Variants in AK9 observed in about 807,000 individuals in gnomAD.
The protein encoded by AK9 is adenylate kinase 9, also known as adenylate kinase domain containing 1.
AK9 carries 191 observed loss-of-function variants against 239.6 expected under a neutral mutation model. That is an observed-to-expected ratio of 0.80 (90% CI 0.71 to 0.90). The LOEUF (loss-of-function observed/expected upper bound fraction) is 0.90, where lower values mean the gene tolerates loss of function less well. Among genes scored for constraint, AK9 ranks in the 40% least tolerant of loss-of-function variants. The pLI is 0.00. For missense variants in AK9, 1,995 were observed against 2,214.7 expected (o/e 0.90, Z 1.99); for synonymous variants, 689 against 721.0 (o/e 0.96, Z 0.71).
At chr6:109,555,804 G>T (rs188195950) in intron 24 of AK9, among the ~76,000 whole-genome samples, 3 of 152,148 alleles carry the variant, frequency 2.0e-5, no homozygotes, top group African/African-American at 7.2e-5. Context: ...TTTCAAGTCC[G>T]TTTGGTCAGA....
chr6:109,633,688 T>C (rs1453583430), intron 10 of AK9, among the ~76,000 whole-genome samples: 1 of 152,222 alleles, frequency 6.6e-6, no homozygotes, highest in East Asian at 1.9e-4. Context: ...AAATTCTTAT[T>C]AAAAATTTTG....
At position 109,493,581 on chromosome 6, in the gene AK9, A is replaced by G. The variant is rs1272800141; in HGVS notation, c.5534-10T>C. 7.5e-6 allele frequency: 12 copies of G among 1,605,294 alleles called. No individual in the cohort carries two copies. Among genetic ancestry groups the G allele is most frequent in the Non-Finnish European group, 1.0e-5 (12 of 1,173,630 alleles). ...CCTTTGGGATTAAATGCTGTAGAAA[A>G]TTTCACAGAACTGTGAATAATTTCT... On this transcript the variant is annotated splice_polypyrimidine_tract_variant and intron_variant, in intron 40 of 40. Transcript: ENST00000424296.
chr6:109,672,515 C>T (rs9400316), intron 3 of AK9, among the ~76,000 whole-genome samples: 95,134 of 151,712 alleles, frequency 0.63, 30,478 homozygotes, highest in South Asian at 0.84. Context: ...AGACTACATT[C>T]CTACAAAAAG....
At chr6:109,542,611 AC>A (rs1291663294) in intron 26 of AK9, among the ~76,000 whole-genome samples, 2 of 152,080 alleles carry the variant, frequency 1.3e-5, no homozygotes, top group African/African-American at 4.8e-5. Flanking sequence ...AATTTAGAAA[AC>A]CCCAAAATCT....
rs1797424999 is a variant in AK9, at chr6:109,641,405, C to T, written c.933+113G>A. On this transcript the variant is annotated intron_variant, in intron 10 of 40. Coordinates refer to ENST00000424296, the MANE Select transcript of AK9 (RefSeq NM_001145128.3). ...TTCTGACTAGGTCATCCAGGCTGGT[C>T]TCAGACTCCTGGGCTCCAGTGATCC... The T allele has an allele frequency of 8.5e-6, 5 of 586,188 alleles. No homozygotes were observed. The Admixed American group carries it at 1.7e-4, about 19-fold the overall frequency. 36.3% of individuals were successfully genotyped at this position (586,188 alleles called of 1,614,324 possible). A position where few individuals can be genotyped will look rare whatever the true frequency, so the allele number is the denominator to read the frequency against.
At chr6:109,550,599 C>A in intron 24 of AK9, 1 of 218,672 alleles carries the variant, frequency 4.6e-6, no homozygotes, top group South Asian at 1.1e-4. Flanking sequence ...TGTGTTGATG[C>A]TGGGTCATTG....
At chr6:109,511,490 T>A (rs561012712) in intron 32 of AK9, among the ~76,000 whole-genome samples, 2 of 152,200 alleles carry the variant, frequency 1.3e-5, no homozygotes, top group Non-Finnish European at 2.9e-5. Flanking sequence ...CAAGGTTACA[T>A]AGATGTTGCC....
At chr6:109,520,829 G>A (rs1454450461) in intron 29 of AK9, among the ~76,000 whole-genome samples, 2 of 152,152 alleles carry the variant, frequency 1.3e-5, no homozygotes, top group East Asian at 1.9e-4. Context: ...CACTTCCTTG[G>A]TTAGCTGTAC....
chr6:109,608,177 T>C (rs1793138061), intron 17 of AK9, among the ~76,000 whole-genome samples: 1 of 149,654 alleles, frequency 6.7e-6, no homozygotes, highest in African/African-American at 2.5e-5. Context: ...TACTCAGGAG[T>C]CTGAGGCAAG....
chr6:109,624,624 T>A (rs565884826), intron 12 of AK9, among the ~76,000 whole-genome samples: 1 of 152,276 alleles, frequency 6.6e-6, no homozygotes, highest in South Asian at 2.1e-4. Context: ...CTAGGCTCAT[T>A]TTACAGAAGC....
chr6:109,612,052 A>G lies in AK9; in HGVS notation c.1651T>C (p.Ser551Pro). 6.5e-7 allele frequency: 1 copy of G among 1,540,820 alleles called. No homozygotes were observed. The highest frequency in any genetic ancestry group is 8.8e-7 in the Non-Finnish European group (1 of 1,141,786). ...TGETFTFKRH[S>P]QDASQDVKLY... is the part of the protein sequence containing the mutation. ...TTTACATCTTGACTAGCATCTTGAG[A>G]ATGCCTTTTAAATGTGAATGTTTCA... Residue 551 changes from serine to proline, a missense_variant, in exon 16 of 41, where the codon TCT becomes CCT. By Grantham distance (74) the Ser-to-Pro change is moderately conservative. Around this residue, in one of 5 missense-constraint regions of AK9, gnomAD observed 1,290 missense variants for 1,392.7 expected, o/e 0.93. Transcript: ENST00000424296.
At chr6:109,678,432 G>A (rs1772077739) in intron 1 of AK9, among the ~76,000 whole-genome samples, 1 of 152,010 alleles carries the variant, frequency 6.6e-6, no homozygotes, top group Admixed American at 6.6e-5. Flanking sequence ...AAAGGAAGTG[G>A]GTATGACTAT....
At chr6:109,662,505 CA>C in intron 6 of AK9, 45 bp downstream of exon 6, 3 of 1,354,550 alleles carry the variant, frequency 2.2e-6, no homozygotes, top group Non-Finnish European at 2.9e-6. Flanking sequence ...TAACTACTAT[CA>C]AAAAGAATGG....
intron 8 of AK9, among the ~76,000 whole-genome samples, chr6:109,653,472 C>G (rs917889396): frequency 2.0e-5 from 3 of 152,164 alleles, no homozygotes; most frequent in Non-Finnish European, 4.4e-5. Context: ...ATCATAGCCT[C>G]TACGCATTTT....
chr6:109,495,515 T>G (rs779226513), intron 38 of AK9, 75 bp from the exon 39 acceptor site: 10 of 1,046,286 alleles, frequency 9.6e-6, no homozygotes, highest in Non-Finnish European at 1.1e-5. Flanking sequence ...GACAAGAGAC[T>G]ATTAGAAGAT....
At chr6:109,600,214 T>C (rs1032127078) in intron 17 of AK9, among the ~76,000 whole-genome samples, 1 of 152,284 alleles carries the variant, frequency 6.6e-6, no homozygotes. Context: ...GGCTGTGGGT[T>C]TGTCATAAAT....
At chr6:109,648,404 G>C (rs1798391034) in intron 8 of AK9, among the ~76,000 whole-genome samples, 1 of 151,894 alleles carries the variant, frequency 6.6e-6, no homozygotes, top group Admixed American at 6.6e-5. Context: ...AATGATAAAG[G>C]GGATATCACC....
At chr6:109,577,574 T>A (rs1788257353) in intron 20 of AK9, among the ~76,000 whole-genome samples, 1 of 152,182 alleles carries the variant, frequency 6.6e-6, no homozygotes, top group Admixed American at 6.5e-5. Context: ...ATTCTTTGAA[T>A]ACCTGATAGA....
At chr6:109,512,155 A>G (rs1778820362) in intron 32 of AK9, among the ~76,000 whole-genome samples, 1 of 152,194 alleles carries the variant, frequency 6.6e-6, no homozygotes, top group African/African-American at 2.4e-5. Flanking sequence ...AACAGATTGC[A>G]GTAATGAAGC....
Sources: allele counts gnomAD v4.1 joint callset (sites outside exome capture counted in the v4.1 genomes callset), GRCh38; gene constraint gnomAD v4.1.1; regional missense constraint gnomAD v4.1.1; transcripts MANE v1.5; gene names NCBI Gene and HGNC (gene_info 2026-07-23, HGNC 2026-07-21).